Variants in PPRC1 observed in about 807,000 individuals in gnomAD.
PPRC1 encodes peroxisome proliferator-activated receptor gamma coactivator-related protein 1.
PPRC1 carries 23 observed loss-of-function variants against 132.5 expected under a neutral mutation model. The ratio of observed to expected loss-of-function variants is 0.17; its 90% confidence interval spans 0.12 to 0.25. PPRC1 has a LOEUF of 0.25. Among genes scored for constraint, PPRC1 ranks in the 10% least tolerant of loss-of-function variants. The pLI is 1.00. For synonymous variants in PPRC1, 872 were observed against 833.5 expected (o/e 1.05, Z -0.80); for missense variants, 2,006 against 2,089.1 (o/e 0.96, Z 0.78).
At chr10:102,131,621 CATAATA>C (rs1431107107), upstream of PPRC1, among the ~76,000 whole-genome samples, 1 of 152,168 alleles carries the variant, frequency 6.6e-6, no homozygotes, top group African/African-American at 2.4e-5. Flanking sequence ...GGGTGTTCAT[CATAATA>C]ATATGTAATA....
At chr10:102,127,524 A>G in the PPRC1 span, among the ~76,000 whole-genome samples, 1 of 152,020 alleles carries the variant, frequency 6.6e-6, no homozygotes, top group Non-Finnish European at 1.5e-5. Context: ...CTCTCATCTC[A>G]GCCTCCCGAG....
chr10:102,144,192 G>A, intron 6 of PPRC1, 58 bp from the exon 7 acceptor site: 1 of 1,555,524 alleles, frequency 6.4e-7, no homozygotes, highest in Non-Finnish European at 8.9e-7. Context: ...AAGCCCTTCT[G>A]TGCCGCCTCA....
At chr10:102,130,152 C>T (rs181082078), upstream of PPRC1, among the ~76,000 whole-genome samples, 178 of 152,252 alleles carry the variant, frequency 1.2e-3, no homozygotes, top group Non-Finnish European at 1.9e-3. Context: ...CGCTGTGGCT[C>T]ATGCCTGTAA....
chr10:102,143,598 CAAAAAAAA>C (rs774584823), intron 6 of PPRC1, among the ~76,000 whole-genome samples: 1 of 57,908 alleles, frequency 1.7e-5, no homozygotes, highest in African/African-American at 6.1e-5. Context: ...GACTCTGTCT[CAAAAAAAA>C]AAAAAAAAAA....
At chr10:102,128,231 C>T (rs951973306), upstream of PPRC1, among the ~76,000 whole-genome samples, 2 of 152,018 alleles carry the variant, frequency 1.3e-5, no homozygotes, top group African/African-American at 2.4e-5. Context: ...CCTCCGACTC[C>T]CTGGTTCAAG....
chr10:102,132,712 A>T (rs1040966980), upstream of PPRC1, among the ~76,000 whole-genome samples: 1 of 152,262 alleles, frequency 6.6e-6, no homozygotes, highest in African/African-American at 2.4e-5. Context: ...AGCAGGTAGA[A>T]CGTCAAAGAG....
Position 102,141,288 on chromosome 10 carries a change from C to T in PPRC1, c.2780C>T (p.Pro927Leu), listed in dbSNP as rs1266455972. ...CCCTTGCCATCCTGGCCTTGTTATCCTCATGTGTCCCCTTCTGGCTATCCT... is the reference window on the plus strand; with the variant it reads ...CCCTTGCCATCCTGGCCTTGTTATCTTCATGTGTCCCCTTCTGGCTATCCT... Reference protein sequence around the residue: ...YAPLPSWPCYPHVSPSGYPCL... With the variant: ...YAPLPSWPCYLHVSPSGYPCL... The change falls in exon 5 of 14, where the codon CCT becomes CTT. Residue 927 changes from proline (P) to leucine (L), a missense_variant. By Grantham distance (98) the Pro-to-Leu change is moderately conservative. Transcript: ENST00000278070. 4.3e-6 allele frequency: 7 copies of T among 1,614,072 alleles called. 1 individual carries two copies. The South Asian group carries it at 6.6e-5, about 15-fold the overall frequency.
the PPRC1 span, among the ~76,000 whole-genome samples, chr10:102,121,408 C>A: frequency 6.6e-6 from 1 of 152,128 alleles, no homozygotes; most frequent in Non-Finnish European, 1.5e-5. Context: ...GAGGCAGAGG[C>A]TGTGGGCCGT....
intron 6 of PPRC1, among the ~76,000 whole-genome samples, chr10:102,143,618 AAG>A (rs2069095041): frequency 1.3e-5 from 2 of 151,610 alleles, no homozygotes. Flanking sequence ...AAAAAAAAAA[AAG>A]GAATCCAAGC....
chr10:102,143,598 CAAAAAAA>C (rs774584823), intron 6 of PPRC1, among the ~76,000 whole-genome samples: 7 of 57,908 alleles, frequency 1.2e-4, no homozygotes, highest in African/African-American at 2.4e-4. Context: ...GACTCTGTCT[CAAAAAAA>C]AAAAAAAAAA....
intron 2 of PPRC1, 58 bp downstream of exon 2, chr10:102,138,096 G>T (rs2068792984): frequency 5.8e-6 from 9 of 1,544,910 alleles, no homozygotes; most frequent in Non-Finnish European, 7.9e-6. Flanking sequence ...GGAGGTTCTA[G>T]CTCAAATTCT....
At chr10:102,145,665 C>T (rs2069198828) in intron 8 of PPRC1, among the ~76,000 whole-genome samples, 1 of 151,750 alleles carries the variant, frequency 6.6e-6, no homozygotes, top group Admixed American at 6.6e-5. Flanking sequence ...GAGATCGAGA[C>T]CATCCTGGCT....
Position 102,133,129 on chromosome 10 carries a change from C to A in PPRC1, c.61C>A (p.Pro21Thr). Residue 21 changes from proline to threonine, a missense_variant, in exon 1 of 14, where the codon CCG becomes ACG. This residue lies in a region of PPRC1 where 1,914 missense variants were observed against 1,917.2 expected (regional missense o/e 1.00). Coordinates refer to ENST00000278070, the MANE Select transcript of PPRC1 (RefSeq NM_015062.5). Reference protein sequence around the residue: ...VAPPPSGGPGPDPGGGARGSG... With the variant: ...VAPPPSGGPGTDPGGGARGSG... ...GCCGCCCCCGAGTGGGGGCCCCGGT[C>A]CGGACCCTGGCGGGGGAGCCCGCGG... 8.0e-7 allele frequency: 1 copy of A among 1,250,228 alleles called. No homozygotes were observed. The highest frequency in any genetic ancestry group is 1.0e-6 in the Non-Finnish European group (1 of 990,850). The allele number at this position is 1,250,228 out of a possible 1,614,324, so 77.4% of individuals were successfully genotyped here.
chr10:102,130,108 C>A (rs2068517467), upstream of PPRC1, among the ~76,000 whole-genome samples: 1 of 152,074 alleles, frequency 6.6e-6, no homozygotes, highest in Non-Finnish European at 1.5e-5. Context: ...GTTAATTCAC[C>A]TGAAACAACT....
intron 5 of PPRC1, 37 bp from the exon 6 acceptor site, chr10:102,143,008 G>C: frequency 1.3e-6 from 2 of 1,577,484 alleles, no homozygotes; most frequent in Non-Finnish European, 1.7e-6. Context: ...AAGTTGATAG[G>C]GGCTCGTTTT....
intron 1 of PPRC1, among the ~76,000 whole-genome samples, chr10:102,135,612 C>T (rs1171919733): frequency 2.0e-5 from 3 of 152,164 alleles, no homozygotes; most frequent in Admixed American, 2.0e-4. Flanking sequence ...CTCCTGACCT[C>T]AAGTGATCCA....
the PPRC1 span, among the ~76,000 whole-genome samples, chr10:102,121,723 C>T: frequency 4.6e-5 from 7 of 152,108 alleles, no homozygotes; most frequent in East Asian, 3.9e-4. Flanking sequence ...CAGGGATAGA[C>T]GATGGAGACT....
chr10:102,142,131 G>C (rs2069011088), intron 5 of PPRC1, 127 bp downstream of exon 5: 1 of 1,154,594 alleles, frequency 8.7e-7, no homozygotes, highest in Admixed American at 2.7e-5. Context: ...TTTTTATTTT[G>C]AGATGGAGTC....
rs201466529 is a variant in PPRC1, at chr10:102,144,272, G to A, written c.3573G>A (p.Pro1191=). Residue 1191 remains proline (P), a synonymous_variant, in exon 7 of 14, where the codon CCG becomes CCA. Transcript: ENST00000278070. ...KSEAKKECPP[P]APADSLAVGN... ...CAGCCAAAAAGGAGTGTCCTCCTCC[G>A]GCTCCTGCTGACAGCTTGGCTGTAG... 3.1e-5 allele frequency: 50 copies of A among 1,614,140 alleles called. No individual in the cohort carries two copies. In the Middle Eastern group the frequency reaches 6.6e-4, roughly 21 times the overall value.
Sources: allele counts gnomAD v4.1 joint callset (sites outside exome capture counted in the v4.1 genomes callset), GRCh38; gene constraint gnomAD v4.1.1; regional missense constraint gnomAD v4.1.1; transcripts MANE v1.5; gene names NCBI Gene and HGNC (gene_info 2026-07-23, HGNC 2026-07-21).